Variants in DLG2 observed in about 807,000 individuals in gnomAD.
The protein encoded by DLG2 is disks large homolog 2.
Under a neutral mutation model 132.5 loss-of-function variants are expected in DLG2, and 45 were observed. That is an observed-to-expected ratio of 0.34 (90% CI 0.27 to 0.44). The LOEUF (loss-of-function observed/expected upper bound fraction) is 0.44, where lower values mean the gene tolerates loss of function less well. DLG2 is among the 20% of genes least tolerant of loss of function. The pLI is 1.00. For synonymous variants in DLG2, 424 were observed against 419.6 expected (o/e 1.01, Z -0.13); for missense variants, 1,045 against 1,196.9 (o/e 0.87, Z 1.87).
intron 6 of DLG2, among the ~76,000 whole-genome samples, chr11:85,036,580 C>T (rs1422557097): frequency 6.6e-6 from 1 of 152,080 alleles, no homozygotes; most frequent in Non-Finnish European, 1.5e-5. Flanking sequence ...ATAGCATAAA[C>T]AGAGAAAAAC....
At chr11:84,961,152 C>G (rs911710678) in intron 6 of DLG2, among the ~76,000 whole-genome samples, 3 of 150,998 alleles carry the variant, frequency 2.0e-5, no homozygotes, top group Admixed American at 6.6e-5. Flanking sequence ...TATAGGACTT[C>G]AGTGGTCTTC....
intron 6 of DLG2, among the ~76,000 whole-genome samples, chr11:85,083,672 T>C (rs1360189586): frequency 6.6e-6 from 1 of 152,134 alleles, no homozygotes; most frequent in Admixed American, 6.6e-5. Flanking sequence ...TGGTTAGCAA[T>C]TGGTTTTAAG....
chr11:83,762,137 A>G (rs568745089), intron 18 of DLG2, among the ~76,000 whole-genome samples: 3 of 152,370 alleles, frequency 2.0e-5, no homozygotes, highest in Non-Finnish European at 2.9e-5. Flanking sequence ...AGAGAAATTA[A>G]TATTTTGAAG....
intron 7 of DLG2, among the ~76,000 whole-genome samples, chr11:84,268,484 CAG>C (rs2097675175): frequency 1.5e-5 from 2 of 132,280 alleles, no homozygotes; most frequent in Non-Finnish European, 3.1e-5. Context: ...TTTTTTGAGA[CAG>C]AGTCTCGCTC....
chr11:84,885,200 G>A (rs753909112), intron 6 of DLG2, among the ~76,000 whole-genome samples: 19 of 151,730 alleles, frequency 1.3e-4, no homozygotes, highest in Non-Finnish European at 1.5e-4. Context: ...TTGCATACTG[G>A]AGGACAAATA....
chr11:84,598,303 C>T (rs900160410), intron 6 of DLG2, among the ~76,000 whole-genome samples: 2 of 152,082 alleles, frequency 1.3e-5, no homozygotes, highest in Non-Finnish European at 2.9e-5. Context: ...CTCCTCTGTC[C>T]CTACAAATTA....
At chr11:84,882,714 T>C (rs143534832) in intron 6 of DLG2, among the ~76,000 whole-genome samples, 1 of 152,184 alleles carries the variant, frequency 6.6e-6, no homozygotes, top group African/African-American at 2.4e-5. Context: ...GTAAGGGAGA[T>C]GGGTACATTC....
At chr11:83,894,080 A>G (rs535598557) in intron 15 of DLG2, among the ~76,000 whole-genome samples, 84 of 152,364 alleles carry the variant, frequency 5.5e-4, no homozygotes, top group African/African-American at 2.0e-3. Flanking sequence ...GCCAGGAAAC[A>G]ACCAATGTAT....
intron 6 of DLG2, among the ~76,000 whole-genome samples, chr11:85,048,630 G>A (rs1041629151): frequency 6.6e-6 from 1 of 151,894 alleles, no homozygotes; most frequent in Non-Finnish European, 1.5e-5. Context: ...CTATTATTTA[G>A]TTGAGCGATT....
chr11:85,014,664 G>C (rs1395731721), intron 6 of DLG2, among the ~76,000 whole-genome samples: 2 of 152,114 alleles, frequency 1.3e-5, no homozygotes, highest in African/African-American at 4.8e-5. Context: ...CAGAAGAAGA[G>C]AACTGGTAAG....
chr11:84,084,233 G>A (rs1389722076), intron 10 of DLG2, among the ~76,000 whole-genome samples: 2 of 152,192 alleles, frequency 1.3e-5, no homozygotes, highest in Admixed American at 6.5e-5. Context: ...GCTAGAAAAC[G>A]AAATGCATAA....
intron 5 of DLG2, among the ~76,000 whole-genome samples, chr11:85,116,615 G>A (rs1016797771): frequency 6.6e-6 from 1 of 151,902 alleles, no homozygotes; most frequent in Non-Finnish European, 1.5e-5. Flanking sequence ...ATTTCAGAGT[G>A]AGATGTTTAA....
At chr11:85,155,250 G>A (rs1566944798) in intron 4 of DLG2, among the ~76,000 whole-genome samples, 3 of 152,198 alleles carry the variant, frequency 2.0e-5, no homozygotes, top group African/African-American at 4.8e-5. Flanking sequence ...GCCTTGCACT[G>A]TAAAAATTGG....
rs755407154 is a variant in DLG2 at position 84,502,174 on chromosome 11, C to CTT, written c.519+32394_519+32395dup. Among the ~76,000 whole-genome samples, 114 of 32,372 alleles carry CTT rather than the reference C, an allele frequency of 3.5e-3. 9 individuals carry two copies. Among genetic ancestry groups the CTT allele is most frequent in the Middle Eastern group, 0.027 (2 of 74 alleles). The allele number at this position is 32,372 out of a possible 152,430, so 21.2% of individuals were successfully genotyped here. A position where few individuals can be genotyped will look rare whatever the true frequency, so the allele number is the denominator to read the frequency against. Reference sequence around the variant, plus strand: ...CCTTCCTTCCTTTCTCTCTCTCTCTCTTTCTCTCTCTTTCTCTCTCTCTCT... The same window carrying CTT: ...CCTTCCTTCCTTTCTCTCTCTCTCTCTTTTTCTCTCTCTTTCTCTCTCTCTCT... On this transcript the variant is annotated intron_variant, in intron 7 of 27. Transcript: ENST00000376104.
At chr11:83,688,176 C>A (rs1292177048) in intron 18 of DLG2, among the ~76,000 whole-genome samples, 1 of 152,074 alleles carries the variant, frequency 6.6e-6, no homozygotes, top group Non-Finnish European at 1.5e-5. Context: ...TGATATAATC[C>A]CACGCAACGA....
intron 8 of DLG2, among the ~76,000 whole-genome samples, chr11:84,214,859 TA>T (rs1485748552): frequency 6.6e-6 from 1 of 152,178 alleles, no homozygotes; most frequent in Non-Finnish European, 1.5e-5. Context: ...AGAGCAATCA[TA>T]TATCAGAAAT....
At chr11:85,276,297 A>T (rs1049991350) in intron 4 of DLG2, among the ~76,000 whole-genome samples, 2 of 152,262 alleles carry the variant, frequency 1.3e-5, no homozygotes, top group African/African-American at 2.4e-5. Context: ...CTGCCTGTTG[A>T]ATAAGAAATG....
intron 6 of DLG2, among the ~76,000 whole-genome samples, chr11:84,650,615 G>T (rs931952722): frequency 6.6e-6 from 1 of 151,926 alleles, no homozygotes; most frequent in Non-Finnish European, 1.5e-5. Flanking sequence ...CCTATATCAG[G>T]TAAGTAGCAG....
chr11:85,419,986 T>C (rs1208760348), intron 3 of DLG2, among the ~76,000 whole-genome samples: 1 of 152,060 alleles, frequency 6.6e-6, no homozygotes, highest in Non-Finnish European at 1.5e-5. Context: ...TGGCAAGGAG[T>C]TGTGATCCTT....
Sources: gnomAD v4.1 joint callset for allele counts (sites outside exome capture counted in the v4.1 genomes callset) on GRCh38, gnomAD v4.1.1 for gene constraint, MANE v1.5 for transcripts, NCBI Gene and HGNC (gene_info 2026-07-23, HGNC 2026-07-21) for gene names.